The following ATP2B1 variants were observed in gnomAD, a reference collection of about 807,000 sequenced individuals.
The protein encoded by ATP2B1 is plasma membrane calcium-transporting ATPase 1.
Under a neutral mutation model 124.2 loss-of-function variants are expected in ATP2B1, and 14 were observed. That is an observed-to-expected ratio of 0.11 (90% CI 0.07 to 0.18). ATP2B1 has a LOEUF of 0.18. Ranked by LOEUF, ATP2B1 falls within the 10% of genes least tolerant of loss-of-function variation. The pLI, the probability that ATP2B1 is intolerant of heterozygous loss-of-function variation, is 1.00. For missense variants in ATP2B1, 763 were observed against 1,466.1 expected (o/e 0.52, Z 7.83); for synonymous variants, 449 against 492.4 (o/e 0.91, Z 1.17).
intron 1 of ATP2B1, among the ~76,000 whole-genome samples, chr12:89,695,174 T>C (rs542479670): frequency 6.6e-6 from 1 of 152,130 alleles, no homozygotes; most frequent in South Asian, 2.1e-4. Flanking sequence ...TGTATAAGAA[T>C]AGCTGGAAAC....
In ATP2B1 at chr12:89,635,065, CT is replaced by C; in HGVS notation, c.592del (p.Arg198GlyfsTer10). 6.2e-7 allele frequency: 1 copy of C among 1,613,996 alleles called. No individual in the cohort carries two copies. The highest frequency in any genetic ancestry group is 8.5e-7 in the Non-Finnish European group (1 of 1,179,902). On this transcript the variant is annotated frameshift_variant, in exon 4 of 21. Coordinates refer to ENST00000428670, the MANE Select transcript of ATP2B1 (RefSeq NM_001366521.1). LOFTEE classifies it high-confidence loss of function. ...AGGTATCTGAATGACCTGACCACCC[CT>C]GATGACAGTGAACTTCTGTTCTTGT... Reference protein sequence around the residue: ...IEQEQKFTVIRGGQVIQIPVA... With the variant: ...IEQEQKFTVIXGGQVIQIPVA...
At chr12:89,599,421 T>C (rs1481637556) in intron 19 of ATP2B1, 122 bp from the exon 20 acceptor site, 9 of 1,021,398 alleles carry the variant, frequency 8.8e-6, no homozygotes, top group African/African-American at 3.2e-5. Flanking sequence ...AATGAAGTAA[T>C]GGGATCCTGT....
At position 89,634,760 on chromosome 12, in the gene ATP2B1, T is replaced by C. The variant is rs745307521; in HGVS notation, c.787+18A>G. On this transcript the variant is annotated intron_variant, in intron 5 of 20. Coordinates refer to ENST00000428670, the MANE Select transcript of ATP2B1 (RefSeq NM_001366521.1). Reference sequence around the variant, plus strand: ...TGCGAAAGAGGAAAGTGTTCAAAGATATAAATGAAATTTTTACCTGATAGA... The same window carrying C: ...TGCGAAAGAGGAAAGTGTTCAAAGACATAAATGAAATTTTTACCTGATAGA... 1 of 1,568,736 alleles carries C rather than the reference T, an allele frequency of 6.4e-7. No homozygotes were observed. The highest frequency in any genetic ancestry group is 8.6e-7 in the Non-Finnish European group (1 of 1,159,826).
chr12:89,642,982 T>C (rs1883802662), intron 2 of ATP2B1, among the ~76,000 whole-genome samples: 1 of 151,864 alleles, frequency 6.6e-6, no homozygotes, highest in African/African-American at 2.4e-5. Context: ...GACAGTCTGA[T>C]GGTTTTCATA....
rs140892885 is a variant in ATP2B1, at chr12:89,627,720, T to C, written c.929-4A>G. 6.8e-6 allele frequency: 11 copies of C among 1,613,762 alleles called. No homozygotes were observed. The highest frequency in any genetic ancestry group is 2.7e-5 in the African/African-American group (2 of 75,050). On this transcript the variant is annotated splice_polypyrimidine_tract_variant and splice_region_variant and intron_variant, in intron 6 of 20. Transcript: ENST00000428670. ...ATAGCTCCATCTTGTTTCTTATCTG[T>C]AGGAACAAAATGGGAATTAAAGCTT...
intron 1 of ATP2B1, among the ~76,000 whole-genome samples, chr12:89,666,356 T>C (rs1317261052): frequency 6.6e-6 from 1 of 152,206 alleles, no homozygotes; most frequent in Admixed American, 6.5e-5. Context: ...CTGTATTCTC[T>C]ACCTGCTATT....
chr12:89,607,071 C>T (rs1877055922), intron 15 of ATP2B1, among the ~76,000 whole-genome samples: 1 of 152,152 alleles, frequency 6.6e-6, no homozygotes, highest in African/African-American at 2.4e-5. Flanking sequence ...CTTTCAATCA[C>T]AAAACGTTAA....
At chr12:89,640,572 T>C (rs756082530) in intron 3 of ATP2B1, among the ~76,000 whole-genome samples, 21 of 152,336 alleles carry the variant, frequency 1.4e-4, no homozygotes, top group African/African-American at 5.1e-4. Flanking sequence ...CAGTCTTACG[T>C]GAGCCTAGGT....
chr12:89,623,663 G>T (rs761412074), intron 9 of ATP2B1, among the ~76,000 whole-genome samples: 2 of 152,240 alleles, frequency 1.3e-5, no homozygotes, highest in Non-Finnish European at 2.9e-5. Flanking sequence ...AGGCTGGTGA[G>T]ACTGGGCCAA....
At chr12:89,705,394 C>T (rs979653064) in intron 1 of ATP2B1, among the ~76,000 whole-genome samples, 9 of 152,068 alleles carry the variant, frequency 5.9e-5, no homozygotes, top group Non-Finnish European at 1.3e-4. Context: ...CTTTCTGATC[C>T]TCAGTCCTTT....
At chr12:89,690,598 AAACACGT>A (rs1438345732) in intron 1 of ATP2B1, among the ~76,000 whole-genome samples, 1 of 151,962 alleles carries the variant, frequency 6.6e-6, no homozygotes, top group Admixed American at 6.6e-5. Flanking sequence ...AAAAACTAAT[AAACACGT>A]ATTTTACCAT....
At position 89,621,751 on chromosome 12, in the gene ATP2B1, G is replaced by A; in HGVS notation, c.1385C>T (p.Ala462Val). Residue 462 changes from alanine (A) to valine (V), a missense_variant, in exon 10 of 21, where the codon GCT (alanine) becomes GTT (valine). Ala to Val is a moderately conservative substitution (Grantham distance 64). This residue lies in a region of ATP2B1 where 392 missense variants were observed against 776.6 expected (regional missense o/e 0.50). Transcript: ENST00000428670. Reference protein sequence around the residue: ...KDNNLVRHLDACETMGNATAI... With the variant: ...KDNNLVRHLDVCETMGNATAI... ...TGTAGCATTTCCCATGGTTTCACAA[G>A]CATCCAGATGCCTTACTAAGTTATT... 1 of 1,595,240 alleles carries A rather than the reference G, an allele frequency of 6.3e-7. No homozygotes were observed. The highest frequency in any genetic ancestry group is 1.7e-5 in the Admixed American group (1 of 57,786).
intron 2 of ATP2B1, among the ~76,000 whole-genome samples, chr12:89,644,718 GGA>G (rs1190080271): frequency 7.2e-5 from 11 of 152,020 alleles, no homozygotes; most frequent in Admixed American, 5.2e-4. Context: ...AAAAAAAAAT[GGA>G]GATAGTGGTT....
At chr12:89,694,890 C>T (rs2136774667) in intron 1 of ATP2B1, among the ~76,000 whole-genome samples, 1 of 151,966 alleles carries the variant, frequency 6.6e-6, no homozygotes, top group Non-Finnish European at 1.5e-5. Context: ...AACCCTATCT[C>T]TACAAAAAGT....
At chr12:89,696,939 T>C (rs192457799) in intron 1 of ATP2B1, among the ~76,000 whole-genome samples, 100 of 152,196 alleles carry the variant, frequency 6.6e-4, no homozygotes, top group Middle Eastern at 3.4e-3. Context: ...ACTAGTGTGT[T>C]TTGGAGCTAG....
At chr12:89,689,739 G>A (rs908907797) in intron 1 of ATP2B1, among the ~76,000 whole-genome samples, 1 of 152,032 alleles carries the variant, frequency 6.6e-6, no homozygotes, top group African/African-American at 2.4e-5. Context: ...AAACTAGTAA[G>A]GGAGATACCT....
In ATP2B1 at chr12:89,622,561, G is replaced by T. The variant is rs536170390; in HGVS notation, c.1345-770C>A. Reference sequence around the variant, plus strand: ...TGGAATGGGTTAAAAACTATATGGAGTTATTTTACAAAGTGTTTTTTGTGA... The same window carrying T: ...TGGAATGGGTTAAAAACTATATGGATTTATTTTACAAAGTGTTTTTTGTGA... On this transcript the variant is annotated intron_variant, in intron 9 of 20. Transcript: ENST00000428670. 8.5e-5 allele frequency among the ~76,000 whole-genome samples: 13 copies of T among 152,130 alleles called. No homozygotes were observed. In the East Asian group the frequency reaches 2.5e-3, roughly 29 times the overall value.
chr12:89,618,962 C>T (rs1201243245), intron 11 of ATP2B1, among the ~76,000 whole-genome samples: 1 of 151,980 alleles, frequency 6.6e-6, no homozygotes, highest in Non-Finnish European at 1.5e-5. Context: ...CCAATTTTCC[C>T]AACTTGCTCT....
At chr12:89,664,778 G>A (rs1349273306) in intron 1 of ATP2B1, among the ~76,000 whole-genome samples, 1 of 152,106 alleles carries the variant, frequency 6.6e-6, no homozygotes, top group African/African-American at 2.4e-5. Flanking sequence ...CAAACTGCTG[G>A]ATTGTCACCT....
Sources: gnomAD v4.1 joint callset for allele counts (sites outside exome capture counted in the v4.1 genomes callset) on GRCh38, gnomAD v4.1.1 for gene constraint, gnomAD v4.1.1 regional missense constraint, MANE v1.5 for transcripts, NCBI Gene and HGNC (gene_info 2026-07-23, HGNC 2026-07-21) for gene names.